BRINP3: variants seen among roughly 807,000 people sequenced by gnomAD.
BRINP3 encodes the protein BMP/retinoic acid inducible neural specific 3, also known as BMP/retinoic acid-inducible neural-specific protein 3.
BRINP3 carries 19 observed loss-of-function variants against 71.0 expected under a neutral mutation model. That is an observed-to-expected ratio of 0.27 (90% CI 0.19 to 0.39). The LOEUF is 0.39. BRINP3 is among the 10% of genes least tolerant of loss of function. The probability of loss-of-function intolerance (pLI) is 1.00; values close to 1 mark genes in which losing one functional copy is unlikely to be tolerated. For synonymous variants in BRINP3, 380 were observed against 337.7 expected, an observed-to-expected ratio of 1.13 and a Z score of -1.37; for missense variants, 959 against 940.8, an observed-to-expected ratio of 1.02 and a Z score of -0.25.
intron 2 of BRINP3, among the ~76,000 whole-genome samples, chr1:190,296,859 A>T (rs889559610): frequency 2.6e-5 from 4 of 152,094 alleles, no homozygotes; most frequent in African/African-American, 9.7e-5. Context: ...TAAGTAAAAA[A>T]TTTGTACACT....
chr1:190,217,004 T>C (rs960564564), intron 6 of BRINP3: 2 of 151,986 alleles, frequency 1.3e-5, no homozygotes, highest in African/African-American at 4.8e-5. Context: ...AATCAGCCTT[T>C]GAAAGTAACC....
chr1:190,355,053 G>T (rs1668642393), intron 2 of BRINP3, among the ~76,000 whole-genome samples: 1 of 151,472 alleles, frequency 6.6e-6, no homozygotes, highest in African/African-American at 2.4e-5. Flanking sequence ...AGAATTCTCA[G>T]GAAAACTCAG....
intron 2 of BRINP3, among the ~76,000 whole-genome samples, chr1:190,342,229 A>G (rs979567135): frequency 1.3e-5 from 2 of 151,674 alleles, no homozygotes; most frequent in African/African-American, 4.8e-5. Flanking sequence ...TAAGGAGGCT[A>G]TCATATAGTA....
At chr1:190,329,600 T>C (rs770161092) in intron 2 of BRINP3, among the ~76,000 whole-genome samples, 1 of 151,884 alleles carries the variant, frequency 6.6e-6, no homozygotes, top group Non-Finnish European at 1.5e-5. Flanking sequence ...AAAATGAACA[T>C]ATTATCGAGC....
intron 3 of BRINP3, among the ~76,000 whole-genome samples, chr1:190,273,604 T>C (rs1662301806): frequency 6.6e-6 from 1 of 151,616 alleles, no homozygotes; most frequent in Non-Finnish European, 1.5e-5. Flanking sequence ...TTTAATGTTA[T>C]ACCATGGCTG....
chr1:190,143,393 T>A (rs1655621686), intron 7 of BRINP3, among the ~76,000 whole-genome samples: 1 of 152,076 alleles, frequency 6.6e-6, no homozygotes, highest in Non-Finnish European at 1.5e-5. Flanking sequence ...AGAAACTAGC[T>A]CACCAATGGA....
rs139639353 is a variant in BRINP3 at position 190,425,941 on chromosome 1, C to T, written c.236+28714G>A. On this transcript the variant is annotated intron_variant, in intron 2 of 7. Transcript: ENST00000367462. ...TGAAAAGCCAATAACTAACAAAAAG[C>T]CCAGCATTTTATTTTTAATCAGCAA... is the stretch of plus-strand genomic sequence containing the variant. Among the ~76,000 whole-genome samples, 42 of 151,782 alleles carry T rather than the reference C, an allele frequency of 2.8e-4. No individual in the cohort carries two copies. In the East Asian group the frequency reaches 7.5e-3, roughly 27 times the overall value.
intron 6 of BRINP3, among the ~76,000 whole-genome samples, chr1:190,193,996 T>C (rs1654269051): frequency 6.6e-6 from 1 of 152,114 alleles, no homozygotes; most frequent in Non-Finnish European, 1.5e-5. Flanking sequence ...TTAAATGACT[T>C]GAGGTAAATC....
chr1:190,300,565 C>T (rs56224857), intron 2 of BRINP3, among the ~76,000 whole-genome samples: 9 of 152,136 alleles, frequency 5.9e-5, no homozygotes, highest in African/African-American at 9.7e-5. Context: ...TCTCCCAGCA[C>T]GCAGCTGGAG....
intron 7 of BRINP3, among the ~76,000 whole-genome samples, chr1:190,135,164 A>G (rs1389497638): frequency 6.6e-6 from 1 of 152,098 alleles, no homozygotes; most frequent in East Asian, 1.9e-4. Context: ...GTGATAACAA[A>G]TGCATATGGG....
chr1:190,370,449 G>A (rs1431421034), intron 2 of BRINP3, among the ~76,000 whole-genome samples: 1 of 152,082 alleles, frequency 6.6e-6, no homozygotes, highest in Non-Finnish European at 1.5e-5. Context: ...AAACCATTAA[G>A]TAGAGTAAGC....
At chr1:190,343,438 G>A (rs1667801623) in intron 2 of BRINP3, among the ~76,000 whole-genome samples, 1 of 151,686 alleles carries the variant, frequency 6.6e-6, no homozygotes, top group Non-Finnish European at 1.5e-5. Context: ...AGCTACTTGG[G>A]AAAGTCAGTT....
intron 6 of BRINP3, among the ~76,000 whole-genome samples, chr1:190,179,400 T>G (rs887461824): frequency 6.6e-6 from 1 of 152,076 alleles, no homozygotes; most frequent in Non-Finnish European, 1.5e-5. Flanking sequence ...TTAACACTCT[T>G]GAAAAATAAT....
intron 6 of BRINP3, among the ~76,000 whole-genome samples, chr1:190,169,532 C>T (rs1012992700): frequency 1.3e-5 from 2 of 152,152 alleles, no homozygotes; most frequent in Non-Finnish European, 2.9e-5. Context: ...CTTTCTGCTG[C>T]AATCAGATGC....
intron 6 of BRINP3, among the ~76,000 whole-genome samples, chr1:190,210,493 A>C (rs1655890609): frequency 6.6e-6 from 1 of 152,124 alleles, no homozygotes; most frequent in Non-Finnish European, 1.5e-5. Flanking sequence ...ATTTATAATG[A>C]AAACAATCCT....
chr1:190,393,302 G>A (rs1291255062), intron 2 of BRINP3, among the ~76,000 whole-genome samples: 1 of 151,620 alleles, frequency 6.6e-6, no homozygotes, highest in African/African-American at 2.4e-5. Flanking sequence ...GATCGTGAGA[G>A]GAATCGGGTA....
At chr1:190,462,427 C>G (rs982299662) in intron 1 of BRINP3, among the ~76,000 whole-genome samples, 1 of 151,906 alleles carries the variant, frequency 6.6e-6, no homozygotes, top group Non-Finnish European at 1.5e-5. Context: ...ACAGCCAAAC[C>G]AAAATCCCCC....
intron 2 of BRINP3, among the ~76,000 whole-genome samples, chr1:190,285,746 GA>G (rs1663374511): frequency 6.6e-6 from 1 of 151,006 alleles, no homozygotes; most frequent in Admixed American, 6.6e-5. Flanking sequence ...CTTGTTTCCT[GA>G]AGACAAGATT....
At chr1:190,262,824 A>T (rs1007896181) in intron 4 of BRINP3, among the ~76,000 whole-genome samples, 1 of 152,112 alleles carries the variant, frequency 6.6e-6, no homozygotes, top group East Asian at 1.9e-4. Flanking sequence ...CATTATTCCC[A>T]TTTGTATTAA....
Sources: gnomAD v4.1 joint callset for allele counts (sites outside exome capture counted in the v4.1 genomes callset) on GRCh38, gnomAD v4.1.1 for gene constraint, MANE v1.5 for transcripts, NCBI Gene and HGNC (gene_info 2026-07-23, HGNC 2026-07-21) for gene names.